The following RYR2 variants were observed in gnomAD, a reference collection of about 807,000 sequenced individuals.
RYR2 encodes ryanodine receptor 2, also known as cardiac muscle ryanodine receptor-calcium release channel.
A neutral mutation model predicts 601.1 loss-of-function variants in RYR2; 227 were observed. The observed-to-expected ratio is 0.38, with a 90% CI of 0.34 to 0.42. The LOEUF is 0.42. Ranked by LOEUF, RYR2 falls within the 10% of genes least tolerant of loss-of-function variation. The probability of loss-of-function intolerance (pLI) is 1.00; values close to 1 mark genes in which losing one functional copy is unlikely to be tolerated. For synonymous variants in RYR2, 2,223 were observed against 2,175.1 expected, an observed-to-expected ratio of 1.02 and a Z score of -0.61; for missense variants, 4,646 against 6,156.5, an observed-to-expected ratio of 0.75 and a Z score of 8.21.
At chr1:237,767,839 G>C (rs149312334) in intron 84 of RYR2, among the ~76,000 whole-genome samples, 1 of 151,942 alleles carries the variant, frequency 6.6e-6, no homozygotes, top group African/African-American at 2.4e-5. Context: ...CGATCTTAAG[G>C]TCCCCTCAAG....
intron 8 of RYR2, among the ~76,000 whole-genome samples, chr1:237,386,686 T>C (rs1367111095): frequency 6.6e-6 from 1 of 152,258 alleles, no homozygotes; most frequent in East Asian, 1.9e-4. Context: ...AATGTGTTTC[T>C]ATTTTTAGGA....
chr1:237,697,343 GTATATATATATAA>G (rs1558239321), intron 63 of RYR2, among the ~76,000 whole-genome samples: 1 of 137,846 alleles, frequency 7.3e-6, no homozygotes, highest in Non-Finnish European at 1.5e-5. Context: ...TATATATATA[GTATATATATATAA>G]TATATATTTA....
chr1:237,823,942 A>G (rs2102878566), intron 101 of RYR2, among the ~76,000 whole-genome samples: 1 of 152,242 alleles, frequency 6.6e-6, no homozygotes, highest in African/African-American at 2.4e-5. Flanking sequence ...AAATGGATAA[A>G]CTCCTGGACA....
chr1:237,483,559 C>A (rs1436252987), intron 17 of RYR2, among the ~76,000 whole-genome samples: 1 of 152,142 alleles, frequency 6.6e-6, no homozygotes, highest in Non-Finnish European at 1.5e-5. Flanking sequence ...AATAATGATA[C>A]CTCTTACTAT....
intron 29 of RYR2, among the ~76,000 whole-genome samples, chr1:237,583,855 C>G (rs1343394356): frequency 1.3e-5 from 2 of 152,218 alleles, no homozygotes; most frequent in Non-Finnish European, 2.9e-5. Context: ...TCACCCTCCC[C>G]TCTGCTCTGG....
At chr1:237,454,904 T>C (rs1299290382) in intron 15 of RYR2, among the ~76,000 whole-genome samples, 2 of 152,168 alleles carry the variant, frequency 1.3e-5, no homozygotes, top group Non-Finnish European at 2.9e-5. Context: ...TCAAAGTGTC[T>C]GTACGAATAC....
chr1:237,704,606 C>A (rs1426897977), intron 66 of RYR2, among the ~76,000 whole-genome samples: 2 of 151,506 alleles, frequency 1.3e-5, no homozygotes, highest in Non-Finnish European at 2.9e-5. Flanking sequence ...GTTGTTTTTG[C>A]CTATATATTT....
intron 25 of RYR2, among the ~76,000 whole-genome samples, chr1:237,539,917 A>ATT (rs5781966): frequency 3.3e-5 from 5 of 151,692 alleles, no homozygotes; most frequent in South Asian, 2.1e-4. Context: ...CTTAGAAATA[A>ATT]TTTTTTTTAA....
intron 87 of RYR2, among the ~76,000 whole-genome samples, chr1:237,774,815 G>C (rs1461549831): frequency 6.6e-6 from 1 of 152,038 alleles, no homozygotes; most frequent in African/African-American, 2.4e-5. Context: ...CAAGCCACTG[G>C]ATTTTCCAGA....
intron 2 of RYR2, among the ~76,000 whole-genome samples, chr1:237,311,898 C>T (rs549637595): frequency 6.6e-6 from 1 of 152,190 alleles, no homozygotes; most frequent in Non-Finnish European, 1.5e-5. Flanking sequence ...TACTGAGAAA[C>T]CATATTATCA....
At chr1:237,623,731 CCTT>C (rs1679347760) in intron 38 of RYR2, 31 bp from the exon 39 acceptor site, 1 of 1,396,130 alleles carries the variant, frequency 7.2e-7, no homozygotes, top group Non-Finnish European at 1.0e-6. Flanking sequence ...TTTTCTTCCT[CCTT>C]CTTCCTCTTT....
chr1:237,240,088 T>TTAATTCCCTAGAGCAAATATATAG (rs1685990909), intron 1 of RYR2, among the ~76,000 whole-genome samples: 1 of 152,212 alleles, frequency 6.6e-6, no homozygotes, highest in Non-Finnish European at 1.5e-5. Flanking sequence ...GTCTGTTGTT[T>TTAATTCCCTAGAGCAAATATATAG]TCCTGGTGTT....
intron 1 of RYR2, among the ~76,000 whole-genome samples, chr1:237,062,512 T>G (rs1341111133): frequency 1.3e-5 from 2 of 152,222 alleles, no homozygotes; most frequent in African/African-American, 2.4e-5. Flanking sequence ...TGCAAATGTA[T>G]CTTTAAAAAA....
rs142174433 is a variant in RYR2, at chr1:237,103,560, A to G, written c.48+60991A>G. Among the ~76,000 whole-genome samples, 5 of 152,216 alleles carry G rather than the reference A, an allele frequency of 3.3e-5. No individual in the cohort carries two copies. In the East Asian group the frequency reaches 9.7e-4, roughly 29 times the overall value. ...TTGGTTTCTGCCCATTTTCCAGGCT[A>G]CATTGTCCAGTGTCCCTGTTTTTTT... On this transcript the variant is annotated intron_variant, in intron 1 of 104. Transcript: ENST00000366574.
At chr1:237,619,625 G>A (rs1056035448) in intron 38 of RYR2, among the ~76,000 whole-genome samples, 5 of 152,120 alleles carry the variant, frequency 3.3e-5, no homozygotes, top group African/African-American at 7.2e-5. Flanking sequence ...TCAAGAAGAT[G>A]AGTACATTCC....
chr1:237,527,275 C>T (rs188123889), intron 24 of RYR2, among the ~76,000 whole-genome samples: 5 of 152,186 alleles, frequency 3.3e-5, no homozygotes, highest in South Asian at 2.1e-4. Flanking sequence ...CTTGGCTATT[C>T]GGACTCTTTT....
intron 23 of RYR2, 123 bp downstream of exon 23, chr1:237,506,937 C>A: frequency 1.2e-6 from 1 of 824,878 alleles, no homozygotes; most frequent in Non-Finnish European, 2.0e-6. Flanking sequence ...TTTTTTCCCC[C>A]TACACATTAG....
At chr1:237,199,998 A>G (rs1681002766) in intron 1 of RYR2, among the ~76,000 whole-genome samples, 1 of 152,188 alleles carries the variant, frequency 6.6e-6, no homozygotes, top group Admixed American at 6.5e-5. Context: ...GTATACCTGT[A>G]CTAAGTTCTT....
chr1:237,636,362 A>G (rs1042192842), intron 44 of RYR2, among the ~76,000 whole-genome samples: 103 of 152,172 alleles, frequency 6.8e-4, no homozygotes, highest in African/African-American at 2.3e-3. Flanking sequence ...TGAAGACATG[A>G]AAGAGTGAAA....
Sources: gnomAD v4.1 joint callset for allele counts (sites outside exome capture counted in the v4.1 genomes callset) on GRCh38, gnomAD v4.1.1 for gene constraint, MANE v1.5 for transcripts, NCBI Gene and HGNC (gene_info 2026-07-23, HGNC 2026-07-21) for gene names.